Variants in PRKAR1B observed in about 807,000 individuals in gnomAD.
The protein encoded by PRKAR1B is protein kinase cAMP-dependent type I regulatory subunit beta.
In PRKAR1B, 22 loss-of-function variants were observed where a neutral mutation model predicts 46.5. That is an observed-to-expected ratio of 0.47 (90% CI 0.34 to 0.68). The LOEUF (loss-of-function observed/expected upper bound fraction) is 0.68. Among genes scored for constraint, PRKAR1B ranks in the 30% least tolerant of loss-of-function variants. PRKAR1B has a pLI of 0.01. For missense variants in PRKAR1B, 445 were observed against 535.6 expected (o/e 0.83, Z 1.67); for synonymous variants, 259 against 217.7 (o/e 1.19, Z -1.67).
At chr7:636,740 C>T (rs550382119) in intron 4 of PRKAR1B, among the ~76,000 whole-genome samples, 6 of 152,324 alleles carry the variant, frequency 3.9e-5, no homozygotes, top group South Asian at 2.1e-4. Flanking sequence ...GGGAGGGGGC[C>T]GGCGGGACCT....
At chr7:668,185 A>G (rs1786039290) in intron 4 of PRKAR1B, among the ~76,000 whole-genome samples, 1 of 152,230 alleles carries the variant, frequency 6.6e-6, no homozygotes. Flanking sequence ...GGGGAAGCAG[A>G]GAGAAGAAGA....
intron 9 of PRKAR1B, among the ~76,000 whole-genome samples, chr7:557,037 G>A (rs113868656): frequency 0.11 from 16,386 of 152,198 alleles, 1,185 homozygotes; most frequent in Middle Eastern, 0.19. Flanking sequence ...AACCAGGTGC[G>A]GCCCCTCCCA....
At chr7:595,783 C>T (rs914368427) in intron 7 of PRKAR1B, among the ~76,000 whole-genome samples, 8 of 152,362 alleles carry the variant, frequency 5.3e-5, no homozygotes, top group African/African-American at 1.9e-4. Context: ...TGAGCAGCCA[C>T]CGTGTCGGCA....
At chr7:698,337 C>T (rs915512862) in intron 2 of PRKAR1B, among the ~76,000 whole-genome samples, 14 of 152,120 alleles carry the variant, frequency 9.2e-5, no homozygotes, top group South Asian at 4.2e-4. Flanking sequence ...GCAGAGTGTA[C>T]ACAGGAGGGT....
chr7:706,301 G>A (rs1290746597), intron 2 of PRKAR1B, among the ~76,000 whole-genome samples: 1 of 152,120 alleles, frequency 6.6e-6, no homozygotes, highest in Non-Finnish European at 1.5e-5. Context: ...ACTCTAGCCT[G>A]GACAACAGAG....
chr7:620,269 C>T (rs112367877), intron 4 of PRKAR1B, among the ~76,000 whole-genome samples: 1,564 of 152,320 alleles, frequency 0.01, 22 homozygotes, highest in African/African-American at 0.036. Flanking sequence ...CACGTTGAGT[C>T]ATTCCACCCA....
intron 1 of PRKAR1B, among the ~76,000 whole-genome samples, chr7:712,174 GC>G (rs534597567): frequency 0.018 from 2,561 of 142,222 alleles, 37 homozygotes; most frequent in Middle Eastern, 0.036. Context: ...CCGCCACGCC[GC>G]CCCCGGAGTG....
chr7:652,498 C>G (rs35082368), intron 4 of PRKAR1B, among the ~76,000 whole-genome samples: 1 of 151,342 alleles, frequency 6.6e-6, no homozygotes, highest in Admixed American at 6.6e-5. Flanking sequence ...CAGTTCACAC[C>G]CACACAGTGC....
chr7:699,513 C>T (rs553255786), intron 2 of PRKAR1B, among the ~76,000 whole-genome samples: 1 of 152,156 alleles, frequency 6.6e-6, no homozygotes, highest in Admixed American at 6.5e-5. Flanking sequence ...AAGTAGTGAG[C>T]TAGGAGGGCC....
intron 6 of PRKAR1B, 30 bp from the exon 7 acceptor site, chr7:596,334 G>T: frequency 6.3e-7 from 1 of 1,589,136 alleles, no homozygotes. Context: ...GAAGTGTCAC[G>T]GGGGCCAGGC....
intron 2 of PRKAR1B, among the ~76,000 whole-genome samples, chr7:698,475 CGTAT>C (rs894542441): frequency 1.3e-5 from 2 of 151,352 alleles, no homozygotes; most frequent in African/African-American, 2.4e-5. Context: ...TATCTAGGTA[CGTAT>C]GTGTTAGTGT....
In PRKAR1B at chr7:727,053, C is replaced by G. The variant is rs1198130055; in HGVS notation, c.-23+157G>C. The G allele has an allele frequency of 3.7e-6, 4 of 1,086,642 alleles. No homozygotes were observed. In the African/African-American group the frequency reaches 6.8e-5, roughly 18 times the overall value. The allele number at this position is 1,086,642 out of a possible 1,614,324, so 67.3% of individuals were successfully genotyped here. On this transcript the variant is annotated intron_variant, in intron 1 of 10. Coordinates refer to ENST00000537384, the MANE Select transcript of PRKAR1B (RefSeq NM_001164760.2). Reference sequence around the variant, plus strand: ...GCCTGCGCCGCGCCGCGCGGCCCCGCGATGCCCTGCCGCGCCTGCTGCCCG... The same window carrying G: ...GCCTGCGCCGCGCCGCGCGGCCCCGGGATGCCCTGCCGCGCCTGCTGCCCG...
chr7:552,466 A>C (rs1210407278), intron 9 of PRKAR1B, among the ~76,000 whole-genome samples: 1 of 114,546 alleles, frequency 8.7e-6, no homozygotes, highest in Non-Finnish European at 1.8e-5. Context: ...AGCCACTGCC[A>C]TCACCACGTC....
intron 4 of PRKAR1B, among the ~76,000 whole-genome samples, chr7:662,564 C>G (rs983330635): frequency 6.7e-6 from 1 of 148,422 alleles, no homozygotes; most frequent in African/African-American, 2.5e-5. Flanking sequence ...CCCACCCCAA[C>G]AGATGCAATT....
At chr7:668,059 AT>A (rs1341907327) in intron 4 of PRKAR1B, among the ~76,000 whole-genome samples, 1 of 152,174 alleles carries the variant, frequency 6.6e-6, no homozygotes, top group Non-Finnish European at 1.5e-5. Context: ...GCCTGTGATG[AT>A]GGGGATATCT....
At chr7:599,799 C>T (rs1223780111) in intron 6 of PRKAR1B, among the ~76,000 whole-genome samples, 2 of 131,032 alleles carry the variant, frequency 1.5e-5, no homozygotes, top group East Asian at 2.4e-4. Context: ...CCCCATTCAC[C>T]TTCACTCGCT....
intron 2 of PRKAR1B, among the ~76,000 whole-genome samples, chr7:684,287 C>T (rs750072741): frequency 6.6e-6 from 1 of 152,224 alleles, no homozygotes; most frequent in Non-Finnish European, 1.5e-5. Context: ...GCTGAGTACA[C>T]GGGGATTGCC....
intron 4 of PRKAR1B, among the ~76,000 whole-genome samples, chr7:630,156 G>A (rs1178311975): frequency 6.6e-6 from 1 of 152,238 alleles, no homozygotes; most frequent in Non-Finnish European, 1.5e-5. Context: ...CGCAGTGGAA[G>A]AGCCAGGCAC....
intron 3 of PRKAR1B, 144 bp from the exon 4 acceptor site, chr7:677,464 C>A: frequency 1.4e-6 from 1 of 715,680 alleles, no homozygotes; most frequent in Non-Finnish European, 2.4e-6. Flanking sequence ...TGTATTTCAC[C>A]ACTGTTTTTT....
Sources: allele counts gnomAD v4.1 joint callset (sites outside exome capture counted in the v4.1 genomes callset), GRCh38; gene constraint gnomAD v4.1.1; transcripts MANE v1.5; gene names NCBI Gene and HGNC (gene_info 2026-07-23, HGNC 2026-07-21).